C9orf85: variants seen among roughly 807,000 people sequenced by gnomAD.
C9orf85 encodes the protein uncharacterized protein C9orf85.
A neutral mutation model predicts 14.9 loss-of-function variants in C9orf85; 16 were observed. The ratio of observed to expected loss-of-function variants is 1.08; its 90% confidence interval spans 0.73 to 1.63. The LOEUF is 1.63. Ranked by LOEUF, C9orf85 falls within the 40% of genes most tolerant of loss-of-function variation. C9orf85 has a pLI of 0.00. For synonymous variants in C9orf85, 45 were observed against 56.8 expected (o/e 0.79, Z 0.93); for missense variants, 172 against 186.1 (o/e 0.92, Z 0.44).
intron 2 of C9orf85, among the ~76,000 whole-genome samples, chr9:71,959,057 T>C (rs1343115246): frequency 6.6e-6 from 1 of 152,128 alleles, no homozygotes; most frequent in Non-Finnish European, 1.5e-5. Context: ...CCACATCATA[T>C]ATATTATATA....
chr9:71,922,438 C>A (rs1589246561), intron 1 of C9orf85, among the ~76,000 whole-genome samples: 2 of 152,324 alleles, frequency 1.3e-5, no homozygotes, highest in Admixed American at 1.3e-4. Flanking sequence ...CTTTCACTTT[C>A]TTGCCCTACC....
intron 1 of C9orf85, among the ~76,000 whole-genome samples, chr9:71,926,959 A>C (rs1040133366): frequency 1.3e-5 from 2 of 152,114 alleles, no homozygotes; most frequent in African/African-American, 4.8e-5. Flanking sequence ...TAAGCCTTCA[A>C]GTAGAAGGGT....
chr9:71,921,615 G>GCC (rs1179664472), intron 1 of C9orf85, among the ~76,000 whole-genome samples: 17 of 152,166 alleles, frequency 1.1e-4, no homozygotes. Context: ...ATCCCAACCA[G>GCC]CCCATCTTGG....
intron 2 of C9orf85, among the ~76,000 whole-genome samples, chr9:71,959,565 T>TA (rs1158198825): frequency 2.0e-5 from 3 of 152,208 alleles, no homozygotes; most frequent in Non-Finnish European, 1.5e-5. Context: ...TAGTAAACAG[T>TA]ATACTCAAAA....
rs1018013739 is a variant in C9orf85, at chr9:71,956,996, T to C, written c.209+9884T>C. ...ATTCCCTGAAGACTGACTTTTTTTT[T>C]TTTTAAGTAGACACGAGGTTTCACC... On this transcript the variant is annotated intron_variant, in intron 2 of 3. Transcript: ENST00000334731. Among the ~76,000 whole-genome samples, 22 of 152,122 alleles carry C rather than the reference T, an allele frequency of 1.4e-4. 1 individual carries two copies. Among genetic ancestry groups the C allele is most frequent in the African/African-American group, 5.3e-4 (22 of 41,422 alleles).
downstream of C9orf85, chr9:71,983,537 A>G (rs189610088): frequency 3.3e-5 from 5 of 152,346 alleles, no homozygotes; most frequent in Admixed American, 3.3e-4. Context: ...AACGGTGTGG[A>G]TAATAATCCT....
At chr9:71,960,148 G>A (rs1187360476) in intron 2 of C9orf85, among the ~76,000 whole-genome samples, 2 of 152,294 alleles carry the variant, frequency 1.3e-5, no homozygotes, top group Middle Eastern at 3.4e-3. Context: ...GACAGGTCTA[G>A]AAAAAACTTA....
At chr9:71,974,336 C>T (rs1346566568), downstream of C9orf85, among the ~76,000 whole-genome samples, 4 of 150,866 alleles carry the variant, frequency 2.7e-5, no homozygotes, top group South Asian at 2.1e-4. Context: ...CTCCACCTCC[C>T]GGGTTCAAGT....
chr9:71,943,644 A>T (rs933197949), intron 1 of C9orf85, among the ~76,000 whole-genome samples: 6 of 151,824 alleles, frequency 4.0e-5, no homozygotes, highest in African/African-American at 7.3e-5. Context: ...CCAGGTTCAA[A>T]GGATTCTCCT....
At chr9:71,952,978 G>T (rs1285650683) in intron 2 of C9orf85, among the ~76,000 whole-genome samples, 1 of 152,126 alleles carries the variant, frequency 6.6e-6, no homozygotes, top group Non-Finnish European at 1.5e-5. Flanking sequence ...TCCTCAAACA[G>T]ATTGGGGTCT....
At chr9:71,917,764 T>C (rs1827688060) in intron 1 of C9orf85, among the ~76,000 whole-genome samples, 2 of 152,132 alleles carry the variant, frequency 1.3e-5, no homozygotes, top group Non-Finnish European at 2.9e-5. Flanking sequence ...CTTTCTGGAG[T>C]GGCAGGAGCA....
chr9:71,976,725 A>AG (rs1411076072), downstream of C9orf85, among the ~76,000 whole-genome samples: 3 of 68,836 alleles, frequency 4.4e-5, no homozygotes. Flanking sequence ...AATATAGCCC[A>AG]GGATTTTTTT....
intron 2 of C9orf85, among the ~76,000 whole-genome samples, chr9:71,967,244 A>G (rs1337541174): frequency 6.6e-6 from 1 of 152,204 alleles, no homozygotes; most frequent in Non-Finnish European, 1.5e-5. Context: ...TTTTAGGGAT[A>G]GTCAGTTTTT....
intron 2 of C9orf85, among the ~76,000 whole-genome samples, chr9:71,967,886 T>C (rs1452823681): frequency 6.6e-6 from 1 of 152,146 alleles, no homozygotes; most frequent in Admixed American, 6.5e-5. Context: ...TGTAGTTATC[T>C]GTTTTTAGGT....
chr9:71,921,955 ATTT>A (rs1827819914), intron 1 of C9orf85, among the ~76,000 whole-genome samples: 4 of 102,844 alleles, frequency 3.9e-5, no homozygotes, highest in African/African-American at 1.2e-4. Flanking sequence ...TATTATTATT[ATTT>A]TGAAACAGAG....
rs550534791 is a variant in C9orf85, at chr9:71,972,447, C to T, written c.324-245C>T. On this transcript the variant is annotated intron_variant, in intron 3 of 3. Transcript: ENST00000334731. ...GCTAATTTTGTATTTTTAGTAGAGA[C>T]GGGGTTTTGCCACGTTGGCCAGGCT... Among the ~76,000 whole-genome samples, 2 of 152,212 alleles carry T rather than the reference C, an allele frequency of 1.3e-5. 1 individual carries two copies. The highest frequency in any genetic ancestry group is 1.3e-4 in the Admixed American group (2 of 15,284).
chr9:71,926,888 C>T (rs916492281), intron 1 of C9orf85, among the ~76,000 whole-genome samples: 1 of 150,410 alleles, frequency 6.6e-6, no homozygotes, highest in Non-Finnish European at 1.5e-5. Flanking sequence ...ATACAGAGGA[C>T]ATGGAAGGTA....
intron 1 of C9orf85, among the ~76,000 whole-genome samples, chr9:71,914,172 G>A (rs1827587248): frequency 6.6e-6 from 1 of 152,162 alleles, no homozygotes; most frequent in Admixed American, 6.5e-5. Context: ...AAAGCTATTT[G>A]ATCTGGTGAC....
intron 1 of C9orf85, among the ~76,000 whole-genome samples, chr9:71,932,896 T>A (rs1163568656): frequency 1.3e-5 from 2 of 151,834 alleles, no homozygotes; most frequent in African/African-American, 4.8e-5. Flanking sequence ...GATATATGAA[T>A]AAAATGTAAA....
Sources: allele counts gnomAD v4.1 joint callset (sites outside exome capture counted in the v4.1 genomes callset), GRCh38; gene constraint gnomAD v4.1.1; transcripts MANE v1.5; gene names NCBI Gene and HGNC (gene_info 2026-07-23, HGNC 2026-07-21).